ZPLD1: variants seen among roughly 807,000 people sequenced by gnomAD.
ZPLD1 encodes zona pellucida-like domain-containing protein 1.
In ZPLD1, 34 loss-of-function variants were observed where a neutral mutation model predicts 47.2. The observed-to-expected ratio is 0.72, with a 90% CI of 0.55 to 0.96. The LOEUF is 0.96. Ranked by LOEUF, ZPLD1 falls within the 40% of genes least tolerant of loss-of-function variation. ZPLD1 has a pLI of 0.00. For missense variants in ZPLD1, 512 were observed against 505.8 expected (o/e 1.01, Z -0.12); for synonymous variants, 176 against 186.2 (o/e 0.95, Z 0.45).
In ZPLD1 at chr3:102,438,460, G is replaced by A. The variant is rs1302564411; in HGVS notation, c.-8-20G>A. 2 of 1,577,546 alleles carry A rather than the reference G, an allele frequency of 1.3e-6. No homozygotes were observed. The highest frequency in any genetic ancestry group is 1.1e-5 in the South Asian group (1 of 90,276). Reference sequence around the variant, plus strand: ...AGGAGTTAAGTGGGAGTGTCCACATGATAGATATCTCTTTTCCAGGTTTTG... The same window carrying A: ...AGGAGTTAAGTGGGAGTGTCCACATAATAGATATCTCTTTTCCAGGTTTTG... On this transcript the variant is annotated intron_variant, in intron 2 of 11. Coordinates refer to ENST00000466937, the MANE Select transcript of ZPLD1 (RefSeq NM_001329788.2).
intron 6 of ZPLD1, among the ~76,000 whole-genome samples, chr3:102,388,609 T>C (rs770953882): frequency 4.1e-4 from 63 of 152,160 alleles, no homozygotes; most frequent in Non-Finnish European, 7.6e-4. Flanking sequence ...TGTTTACCAC[T>C]AGTTTCTCTA....
chr3:102,432,029 G>A (rs985435698), upstream of ZPLD1, among the ~76,000 whole-genome samples: 1 of 152,214 alleles, frequency 6.6e-6, no homozygotes, highest in Non-Finnish European at 1.5e-5. Flanking sequence ...GCCTACCTGT[G>A]TGGCTTTAGT....
intron 10 of ZPLD1, among the ~76,000 whole-genome samples, chr3:102,473,409 T>C (rs1049053663): frequency 3.3e-5 from 5 of 152,136 alleles, no homozygotes; most frequent in Non-Finnish European, 7.3e-5. Flanking sequence ...TCTGATGTCA[T>C]GCCTGGATTT....
chr3:102,416,149 T>C (rs1375101055), intron 7 of ZPLD1, among the ~76,000 whole-genome samples: 1 of 151,882 alleles, frequency 6.6e-6, no homozygotes, highest in African/African-American at 2.4e-5. Context: ...AAAATTTCCT[T>C]TGAAATTTTG....
intron 6 of ZPLD1, among the ~76,000 whole-genome samples, chr3:102,461,511 G>A (rs1223149136): frequency 1.3e-5 from 2 of 151,958 alleles, no homozygotes; most frequent in Non-Finnish European, 2.9e-5. Flanking sequence ...TTCTATAAGT[G>A]ACCTCTAAAG....
chr3:102,405,409 G>A (rs547795878), intron 7 of ZPLD1, among the ~76,000 whole-genome samples: 1 of 152,020 alleles, frequency 6.6e-6, no homozygotes, highest in South Asian at 2.1e-4. Flanking sequence ...GAATGTTTTA[G>A]TTGCTTAAAT....
intron 7 of ZPLD1, among the ~76,000 whole-genome samples, chr3:102,416,871 G>C (rs1401115631): frequency 1.3e-5 from 2 of 151,950 alleles, no homozygotes; most frequent in Non-Finnish European, 2.9e-5. Flanking sequence ...TTTGTTTGGT[G>C]TAGAAAGTAC....
At chr3:102,442,740 A>G (rs532017467) in intron 3 of ZPLD1, among the ~76,000 whole-genome samples, 1 of 152,298 alleles carries the variant, frequency 6.6e-6, no homozygotes, top group African/African-American at 2.4e-5. Context: ...ATCTCACCCT[A>G]TGTGACCTTT....
rs951507439 is a variant in ZPLD1, at chr3:102,471,344, C to A, written c.1042+842C>A. 3.9e-5 allele frequency among the ~76,000 whole-genome samples: 6 copies of A among 152,296 alleles called. No homozygotes were observed. The South Asian group carries it at 1.0e-3, about 26-fold the overall frequency. ...TTAACTCTACTCTCTCTTGTGAATT[C>A]TCCACGTCTTTATAAATAGCCTATT... On this transcript the variant is annotated intron_variant, in intron 10 of 11. Transcript: ENST00000466937.
chr3:102,426,784 T>C (rs1186832820), intron 8 of ZPLD1, among the ~76,000 whole-genome samples: 1 of 152,230 alleles, frequency 6.6e-6, no homozygotes, highest in Non-Finnish European at 1.5e-5. Context: ...AAAACTTTTG[T>C]GGATGTGATT....
intron 5 of ZPLD1, among the ~76,000 whole-genome samples, 171 bp downstream of exon 5, chr3:102,456,545 A>ATATC (rs3077584): frequency 0.15 from 21,333 of 146,904 alleles, 1,566 homozygotes; most frequent in South Asian, 0.17. Flanking sequence ...TTTATCTATT[A>ATATC]TATCTATCTA....
rs752929120 is a variant in ZPLD1 at position 102,464,197 on chromosome 3, A to G, written c.707A>G (p.Tyr236Cys). The change falls in exon 8 of 12, where the codon TAT becomes TGT. Residue 236 changes from tyrosine to cysteine, a missense_variant. By Grantham distance (194) the Tyr-to-Cys change is radical (BLOSUM62 -2). Transcript: ENST00000466937. ...TGGAATGTTTTAATGGATTATTGCT[A>G]TACTACCCCATCAGGAAACCCAAAT... ...GRWNVLMDYCYTTPSGNPNDD... is the reference protein window; with the variant it reads ...GRWNVLMDYCCTTPSGNPNDD... The G allele has an allele frequency of 3.1e-6, 5 of 1,612,934 alleles. No homozygotes were observed. The highest frequency in any genetic ancestry group is 4.2e-6 in the Non-Finnish European group (5 of 1,179,062).
At chr3:102,391,216 T>A (rs920047610) in intron 6 of ZPLD1, among the ~76,000 whole-genome samples, 1 of 152,186 alleles carries the variant, frequency 6.6e-6, no homozygotes, top group Admixed American at 6.5e-5. Context: ...TTATGAAGTA[T>A]TTAAAAAGAT....
intron 3 of ZPLD1, among the ~76,000 whole-genome samples, chr3:102,440,772 G>T (rs1195694412): frequency 1.3e-5 from 2 of 151,016 alleles, no homozygotes; most frequent in African/African-American, 4.9e-5. Context: ...CCTGAGCCAG[G>T]AATTGAAAGA....
intron 7 of ZPLD1, among the ~76,000 whole-genome samples, chr3:102,413,979 T>C (rs1706775860): frequency 6.6e-6 from 1 of 151,830 alleles, no homozygotes; most frequent in Non-Finnish European, 1.5e-5. Context: ...AGTAATCTTC[T>C]GGAAGAGTGT....
chr3:102,437,021 G>A, intron 2 of ZPLD1, 48 bp downstream of exon 2: 2 of 847,252 alleles, frequency 2.4e-6, no homozygotes, highest in Non-Finnish European at 2.8e-6. Flanking sequence ...TTCTTTTCTA[G>A]TGTCTTCCAA....
chr3:102,390,682 A>G (rs926854804), intron 6 of ZPLD1, among the ~76,000 whole-genome samples: 1 of 152,182 alleles, frequency 6.6e-6, no homozygotes, highest in African/African-American at 2.4e-5. Flanking sequence ...TAGATCTCTA[A>G]ACAACTGATA....
Position 102,446,100 on chromosome 3 carries a change from GACTT to G in ZPLD1, c.107-6816_107-6813del, listed in dbSNP as rs1322626268. ...GTAAATGTTGGAACTTGATATTAAAGACTTACACACCATTGAAATAAATGTATTT... is the reference window on the plus strand; with the variant it reads ...GTAAATGTTGGAACTTGATATTAAAGACACACCATTGAAATAAATGTATTT... On this transcript the variant is annotated intron_variant, in intron 3 of 11. Coordinates refer to ENST00000466937, the MANE Select transcript of ZPLD1 (RefSeq NM_001329788.2). Among the ~76,000 whole-genome samples the G allele has an allele frequency of 2.6e-5, 4 of 152,116 alleles. 1 individual carries two copies. The highest frequency in any genetic ancestry group is 4.1e-4 in the South Asian group (2 of 4,826).
intron 1 of ZPLD1, among the ~76,000 whole-genome samples, chr3:102,436,401 A>G (rs1193979953): frequency 2.0e-5 from 3 of 152,232 alleles, no homozygotes; most frequent in South Asian, 4.1e-4. Context: ...AGAAAATTGT[A>G]TTAATTACAT....
Sources: allele counts gnomAD v4.1 joint callset (sites outside exome capture counted in the v4.1 genomes callset), GRCh38; gene constraint gnomAD v4.1.1; transcripts MANE v1.5; gene names NCBI Gene and HGNC (gene_info 2026-07-23, HGNC 2026-07-21).